Variants in TEX14 observed in about 807,000 individuals in gnomAD.
TEX14 encodes the protein testis expressed 14, intercellular bridge forming factor, also known as inactive serine/threonine-protein kinase TEX14.
TEX14 carries 168 observed loss-of-function variants against 178.6 expected under a neutral mutation model. That is an observed-to-expected ratio of 0.94 (90% CI 0.83 to 1.07). The LOEUF (loss-of-function observed/expected upper bound fraction) is 1.07, where lower values mean the gene tolerates loss of function less well. Ranked by LOEUF, TEX14 falls within the 50% of genes least tolerant of loss-of-function variation. TEX14 has a pLI of 0.00. For synonymous variants in TEX14, 626 were observed against 634.1 expected, an observed-to-expected ratio of 0.99 and a Z score of 0.19; for missense variants, 1,730 against 1,753.6, an observed-to-expected ratio of 0.99 and a Z score of 0.24.
rs879057129 is a variant in TEX14 at position 58,556,840 on chromosome 17, C to T, written c.*171G>A. ...GACTGAAAACAAATGGTTGAATGTG[C>T]TGCTAACAGAGAGGGCCAAACGATG... is the stretch of plus-strand genomic sequence containing the variant. On this transcript the variant is annotated 3_prime_UTR_variant, in exon 32 of 32. Transcript: ENST00000349033. 15 of 568,834 alleles carry T rather than the reference C, an allele frequency of 2.6e-5. No individual in the cohort carries two copies. The South Asian group carries it at 3.8e-4, about 14-fold the overall frequency. The allele number at this position is 568,834 out of a possible 1,614,324, so 35.2% of individuals were successfully genotyped here.
At chr17:58,603,753 C>T (rs1382661281) in intron 11 of TEX14, among the ~76,000 whole-genome samples, 1 of 150,878 alleles carries the variant, frequency 6.6e-6, no homozygotes, top group Admixed American at 6.6e-5. Context: ...ACTTGGGAGG[C>T]TGAGGCAGGA....
At chr17:58,617,809 A>G (rs972802504) in intron 5 of TEX14, among the ~76,000 whole-genome samples, 190 bp from the exon 6 acceptor site, 39 of 152,364 alleles carry the variant, frequency 2.6e-4, no homozygotes, top group African/African-American at 9.4e-4. Flanking sequence ...ACCGGTATGC[A>G]TAACCTTGTG....
intron 10 of TEX14, among the ~76,000 whole-genome samples, chr17:58,609,323 A>T (rs1040785956): frequency 3.9e-5 from 6 of 152,030 alleles, no homozygotes; most frequent in African/African-American, 1.4e-4. Context: ...GTTAGCCAGG[A>T]TGGTCTCGAT....
rs1453928921 is a variant in TEX14, at chr17:58,586,043, T to C, written c.2828A>G (p.Gln943Arg). Residue 943 changes from glutamine to arginine, a missense_variant, in exon 18 of 32, where the codon CAG (glutamine) becomes CGG (arginine). Transcript: ENST00000349033. ...KEMAKKAATG[Q>R]LTVPPWHPQS... ...AGGATGCCAAGGAGGTACTGTGAGC[T>C]GTCCAGTAGCTGCTTTCTTTGCCAT... The C allele has an allele frequency of 3.5e-5, 57 of 1,613,806 alleles. No individual in the cohort carries two copies. Among genetic ancestry groups the C allele is most frequent in the Non-Finnish European group, 4.7e-5 (55 of 1,179,796 alleles).
At chr17:58,690,778 C>G (rs1212791802) in intron 1 of TEX14, among the ~76,000 whole-genome samples, 1 of 152,154 alleles carries the variant, frequency 6.6e-6, no homozygotes, top group African/African-American at 2.4e-5. Flanking sequence ...TTCTCGTATT[C>G]TCCCCGCCAG....
intron 2 of TEX14, among the ~76,000 whole-genome samples, chr17:58,643,783 A>G (rs1334291699): frequency 6.8e-6 from 1 of 147,026 alleles, no homozygotes; most frequent in Non-Finnish European, 1.5e-5. Context: ...GAGGCAGGAG[A>G]ATCGCTTGAA....
At chr17:58,579,815 TAAATCTTGA>T in intron 19 of TEX14, 84 bp from the exon 20 acceptor site, 1 of 1,121,342 alleles carries the variant, frequency 8.9e-7, no homozygotes, top group Non-Finnish European at 1.3e-6. Flanking sequence ...TTGATGTTCT[TAAATCTTGA>T]AAATCTTCAT....
At chr17:58,683,915 A>G (rs1184126760) in intron 1 of TEX14, among the ~76,000 whole-genome samples, 1 of 150,256 alleles carries the variant, frequency 6.7e-6, no homozygotes, top group East Asian at 2.0e-4. Context: ...AAATACAAAA[A>G]TTAGCTGGGC....
intron 5 of TEX14, among the ~76,000 whole-genome samples, chr17:58,620,162 A>G (rs776902890): frequency 6.6e-6 from 1 of 152,170 alleles, no homozygotes; most frequent in African/African-American, 2.4e-5. Context: ...ACGGGTCTCC[A>G]TACAAGCGCC....
At chr17:58,607,845 C>T (rs890576859) in intron 10 of TEX14, among the ~76,000 whole-genome samples, 5 of 152,170 alleles carry the variant, frequency 3.3e-5, no homozygotes, top group Non-Finnish European at 5.9e-5. Context: ...AAACATTTAC[C>T]GGCCAGCCGT....
At chr17:58,567,504 A>G (rs2044427347) in intron 26 of TEX14, among the ~76,000 whole-genome samples, 1 of 152,210 alleles carries the variant, frequency 6.6e-6, no homozygotes, top group Non-Finnish European at 1.5e-5. Context: ...TTAAATGATC[A>G]TCTGTATCCT....
intron 2 of TEX14, among the ~76,000 whole-genome samples, chr17:58,645,267 C>A (rs1378500070): frequency 6.6e-6 from 1 of 152,160 alleles, no homozygotes; most frequent in Non-Finnish European, 1.5e-5. Flanking sequence ...GGATTACAGG[C>A]GTGAGCCACC....
chr17:58,646,166 A>G (rs1367079013), intron 2 of TEX14, among the ~76,000 whole-genome samples: 1 of 152,252 alleles, frequency 6.6e-6, no homozygotes, highest in Non-Finnish European at 1.5e-5. Flanking sequence ...AAAACAATGT[A>G]AAGAGGTATA....
At chr17:58,613,577 G>A in intron 8 of TEX14, 33 bp from the exon 9 acceptor site, 1 of 1,610,486 alleles carries the variant, frequency 6.2e-7, no homozygotes. Context: ...GATAAGGCAG[G>A]TGAGAGGAGG....
intron 10 of TEX14, among the ~76,000 whole-genome samples, chr17:58,607,552 C>T (rs2045639225): frequency 6.6e-6 from 1 of 152,220 alleles, no homozygotes; most frequent in African/African-American, 2.4e-5. Context: ...AACTTCACAC[C>T]ATTGCTTCAC....
chr17:58,665,732 GAACC>G (rs1396826837), intron 1 of TEX14, among the ~76,000 whole-genome samples: 1 of 151,198 alleles, frequency 6.6e-6, no homozygotes, highest in Non-Finnish European at 1.5e-5. Context: ...GCATTCTTAA[GAACC>G]AAAAGAAACA....
chr17:58,591,308 A>G (rs2045134065), intron 15 of TEX14, among the ~76,000 whole-genome samples: 1 of 152,202 alleles, frequency 6.6e-6, no homozygotes, highest in Non-Finnish European at 1.5e-5. Context: ...ACCTGAGGTC[A>G]GGAGTTTGAG....
At chr17:58,582,717 C>T (rs1232078700) in intron 19 of TEX14, among the ~76,000 whole-genome samples, 2 of 151,314 alleles carry the variant, frequency 1.3e-5, no homozygotes, top group African/African-American at 4.9e-5. Flanking sequence ...GTGTGTGCCA[C>T]CACACCTGTC....
chr17:58,619,321 C>T (rs2045944228), intron 5 of TEX14, among the ~76,000 whole-genome samples: 1 of 152,212 alleles, frequency 6.6e-6, no homozygotes, highest in Admixed American at 6.5e-5. Flanking sequence ...ATCTATATAA[C>T]TCGGCTGGGT....
Sources: allele counts gnomAD v4.1 joint callset (sites outside exome capture counted in the v4.1 genomes callset), GRCh38; gene constraint gnomAD v4.1.1; transcripts MANE v1.5; gene names NCBI Gene and HGNC (gene_info 2026-07-23, HGNC 2026-07-21).